The following SPECC1L variants were observed in gnomAD, a reference collection of about 807,000 sequenced individuals.
The protein encoded by SPECC1L is sperm antigen with calponin homology and coiled-coil domains 1 like.
In SPECC1L, 40 loss-of-function variants were observed where a neutral mutation model predicts 116.8. That is an observed-to-expected ratio of 0.34 (90% CI 0.27 to 0.45). The LOEUF (loss-of-function observed/expected upper bound fraction) is 0.45. SPECC1L is among the 20% of genes least tolerant of loss of function. SPECC1L has a pLI of 1.00. For synonymous variants in SPECC1L, 504 were observed against 500.6 expected, an observed-to-expected ratio of 1.01 and a Z score of -0.09; for missense variants, 1,110 against 1,373.6, an observed-to-expected ratio of 0.81 and a Z score of 3.03.
chr22:24,371,952 C>G (rs1743932782), intron 14 of SPECC1L, among the ~76,000 whole-genome samples: 1 of 152,166 alleles, frequency 6.6e-6, no homozygotes, highest in South Asian at 2.1e-4. Flanking sequence ...AATTCCTTAC[C>G]TCAGGTAATC....
At chr22:24,305,120 GT>G (rs777776176) in intron 3 of SPECC1L, among the ~76,000 whole-genome samples, 95 of 152,268 alleles carry the variant, frequency 6.2e-4, no homozygotes, top group Non-Finnish European at 1.1e-3. Flanking sequence ...GTAGCTTAGG[GT>G]AAAAGGTAAG....
At chr22:24,334,039 G>A (rs1426742127) in intron 8 of SPECC1L, among the ~76,000 whole-genome samples, 9 of 144,728 alleles carry the variant, frequency 6.2e-5, no homozygotes, top group Non-Finnish European at 7.5e-5. Flanking sequence ...TTGAGATGGA[G>A]TCTCGCTCTT....
rs2041187440 is a variant in SPECC1L at position 24,342,071 on chromosome 22, T to G, written c.2652+3594T>G. On this transcript the variant is annotated intron_variant, in intron 10 of 16. Transcript: ENST00000314328. ...TGGATTGTTTTAAGCCACTAAAGAT[T>G]TGAAGTAATTTGTCATGCAGCATAG... Among the ~76,000 whole-genome samples the G allele has an allele frequency of 3.9e-5, 6 of 152,338 alleles. No individual in the cohort carries two copies. In the South Asian group the frequency reaches 1.2e-3, roughly 32 times the overall value.
intron 16 of SPECC1L, among the ~76,000 whole-genome samples, chr22:24,413,102 C>T (rs535051381): frequency 6.6e-5 from 10 of 152,298 alleles, no homozygotes; most frequent in Non-Finnish European, 1.3e-4. Flanking sequence ...GGTCCATCTG[C>T]CTTGTTCATC....
Position 24,322,357 on chromosome 22 carries a change from T to G in SPECC1L, c.1377T>G (p.Phe459Leu), listed in dbSNP as rs149701047. ...LCQQSDKLEH[F>L]SRQIEYFRSL... ...AGCAGAGCGATAAGTTGGAACACTT[T>G]AGTCGACAGATTGAATACTTCCGCT... is the stretch of plus-strand genomic sequence containing the variant. Residue 459 changes from phenylalanine to leucine, a missense_variant, in exon 5 of 17, where the codon TTT becomes TTG. Around this residue, in one of 4 missense-constraint regions of SPECC1L, gnomAD observed 575 missense variants for 682.4 expected, o/e 0.84. Coordinates refer to ENST00000314328, the MANE Select transcript of SPECC1L (RefSeq NM_015330.6). 2 of 1,614,066 alleles carry G rather than the reference T, an allele frequency of 1.2e-6. No homozygotes were observed. The highest frequency in any genetic ancestry group is 1.7e-5 in the Admixed American group (1 of 60,004).
Position 24,414,857 on chromosome 22 carries a change from C to T in SPECC1L, c.*234C>T. The T allele has an allele frequency of 3.6e-6, 2 of 562,888 alleles. No homozygotes were observed. The highest frequency in any genetic ancestry group is 3.0e-5 in the East Asian group (1 of 33,078). 34.9% of individuals were successfully genotyped at this position (562,888 alleles called of 1,614,324 possible). A position where few individuals can be genotyped will look rare whatever the true frequency, so the allele number is the denominator to read the frequency against. ...CCATTCAGGTCATGTGGGCTCAGCA[C>T]ACATCCTGCAGGCCGGTGGCTGCTG... On this transcript the variant is annotated 3_prime_UTR_variant, in exon 17 of 17. Transcript: ENST00000314328.
chr22:24,312,745 C>A (rs558558545), intron 3 of SPECC1L, among the ~76,000 whole-genome samples: 6 of 152,256 alleles, frequency 3.9e-5, no homozygotes, highest in Admixed American at 6.5e-5. Flanking sequence ...ATCATTTAGA[C>A]AGCAGAACCC....
chr22:24,316,826 A>C (rs1273027351), intron 4 of SPECC1L, among the ~76,000 whole-genome samples: 3 of 142,840 alleles, frequency 2.1e-5, no homozygotes, highest in African/African-American at 7.8e-5. Context: ...GGCCGGGCAG[A>C]GGGGCTCCTC....
In SPECC1L at chr22:24,320,622, C is replaced by T. The variant is rs528455262; in HGVS notation, c.308-666C>T. ...CAAGGTGATAATAGCACCTACCTCA[C>T]GTCTTTAATGAGGCTTATATAAGTT... On this transcript the variant is annotated intron_variant, in intron 4 of 16. Transcript: ENST00000314328. Among the ~76,000 whole-genome samples the T allele has an allele frequency of 2.5e-4, 38 of 152,266 alleles. 1 individual carries two copies. The South Asian group carries it at 7.5e-3, about 30-fold the overall frequency.
intron 3 of SPECC1L, among the ~76,000 whole-genome samples, chr22:24,309,462 G>A (rs1000843644): frequency 6.6e-6 from 1 of 152,016 alleles, no homozygotes; most frequent in Non-Finnish European, 1.5e-5. Context: ...GTACAGTGGC[G>A]AGATCTCGGC....
At chr22:24,279,915 G>C (rs1032152273) in intron 2 of SPECC1L, among the ~76,000 whole-genome samples, 2 of 152,230 alleles carry the variant, frequency 1.3e-5, no homozygotes, top group Non-Finnish European at 2.9e-5. Context: ...GTTTGTGACA[G>C]TCTCTACATT....
At chr22:24,275,155 C>A (rs531326205) in intron 1 of SPECC1L, among the ~76,000 whole-genome samples, 1 of 152,384 alleles carries the variant, frequency 6.6e-6, no homozygotes, top group African/African-American at 2.4e-5. Context: ...ATTTGGCACA[C>A]TATGTCTCGT....
Position 24,341,110 on chromosome 22 carries a change from A to G in SPECC1L, c.2652+2633A>G, listed in dbSNP as rs1189236118. Among the ~76,000 whole-genome samples the G allele has an allele frequency of 3.9e-5, 6 of 152,152 alleles. No homozygotes were observed. The East Asian group carries it at 1.2e-3, about 29-fold the overall frequency. On this transcript the variant is annotated intron_variant, in intron 10 of 16. Coordinates refer to ENST00000314328, the MANE Select transcript of SPECC1L (RefSeq NM_015330.6). ...ACATGGAGCAGGGAAGAGAAAACCAATTGGATCTGAGTAGACACAAATCAA... is the reference window on the plus strand; with the variant it reads ...ACATGGAGCAGGGAAGAGAAAACCAGTTGGATCTGAGTAGACACAAATCAA...
Position 24,411,538 on chromosome 22 carries a change from A to G in SPECC1L, c.3088-50A>G, listed in dbSNP as rs200608677. On this transcript the variant is annotated intron_variant, in intron 14 of 16. Coordinates refer to ENST00000314328, the MANE Select transcript of SPECC1L (RefSeq NM_015330.6). ...TCCTGCGTCCTCCTTGGCATCTCCT[A>G]AGAGGGTCCCAGCATGTGTTGGTTA... 36 of 1,546,130 alleles carry G rather than the reference A, an allele frequency of 2.3e-5. No individual in the cohort carries two copies. The South Asian group carries it at 3.1e-4, about 13-fold the overall frequency.
In SPECC1L at chr22:24,354,558, T is replaced by C. The variant is rs139099099; in HGVS notation, c.2743+7382T>C. On this transcript the variant is annotated intron_variant, in intron 11 of 16. Coordinates refer to ENST00000314328, the MANE Select transcript of SPECC1L (RefSeq NM_015330.6). ...GACTCCTTGCTTTCTCAATGCACCT[T>C]CCCTCCACCCCTGAAGTACTTTCTG... Among the ~76,000 whole-genome samples, 1,382 of 152,216 alleles carry C rather than the reference T, an allele frequency of 9.1e-3. 11 individuals are homozygous for C. The highest frequency in any genetic ancestry group is 0.012 in the Non-Finnish European group (796 of 68,014).
At chr22:24,398,561 T>A (rs1327942899) in intron 14 of SPECC1L, among the ~76,000 whole-genome samples, 1 of 152,198 alleles carries the variant, frequency 6.6e-6, no homozygotes, top group African/African-American at 2.4e-5. Context: ...CTTCTTCCTG[T>A]AACCACAAGG....
At chr22:24,301,611 CAG>C (rs773896860) in intron 2 of SPECC1L, among the ~76,000 whole-genome samples, 113 of 152,176 alleles carry the variant, frequency 7.4e-4, no homozygotes, top group Non-Finnish European at 1.3e-3. Flanking sequence ...CAGTGAAAAA[CAG>C]AATGGTTGTA....
intron 2 of SPECC1L, among the ~76,000 whole-genome samples, chr22:24,298,839 C>T (rs1019676985): frequency 1.5e-4 from 23 of 152,146 alleles, no homozygotes; most frequent in African/African-American, 5.6e-4. Context: ...TTAATTTCAT[C>T]CAGAAACACC....
At chr22:24,357,236 A>G (rs2041550741) in intron 11 of SPECC1L, among the ~76,000 whole-genome samples, 1 of 152,032 alleles carries the variant, frequency 6.6e-6, no homozygotes, top group African/African-American at 2.4e-5. Flanking sequence ...CATGTTTTCA[A>G]GGTTCATCCA....
Sources: allele counts gnomAD v4.1 joint callset (sites outside exome capture counted in the v4.1 genomes callset), GRCh38; gene constraint gnomAD v4.1.1; regional missense constraint gnomAD v4.1.1; transcripts MANE v1.5; gene names NCBI Gene and HGNC (gene_info 2026-07-23, HGNC 2026-07-21).